OPHN1: variants seen among roughly 807,000 people sequenced by gnomAD.
OPHN1 encodes the protein oligophrenin-1.
A neutral mutation model predicts 60.7 loss-of-function variants in OPHN1; 11 were observed. The ratio of observed to expected loss-of-function variants is 0.18; its 90% CI spans 0.11 to 0.30. The LOEUF (loss-of-function observed/expected upper bound fraction) is 0.30. Among genes scored for constraint, OPHN1 ranks in the 10% least tolerant of loss-of-function variants. OPHN1 has a pLI of 1.00. For missense variants in OPHN1, 449 were observed against 611.0 expected, an observed-to-expected ratio of 0.73 and a Z score of 2.80; for synonymous variants, 226 against 222.6, an observed-to-expected ratio of 1.02 and a Z score of -0.14.
chrX:68,132,870 G>A, intron 15 of OPHN1: 1 of 282,736 alleles, frequency 3.5e-6, no homozygotes, highest in African/African-American at 2.7e-5. Flanking sequence ...GCGACCTGGC[G>A]AACCAGGCGA....
intron 19 of OPHN1, among the ~76,000 whole-genome samples, chrX:68,085,772 A>G (rs1207482802): frequency 1.8e-5 from 2 of 112,200 alleles, no homozygotes; most frequent in African/African-American, 3.2e-5. Context: ...AATAGGTCCA[A>G]GAAAAGAAAC....
intron 2 of OPHN1, among the ~76,000 whole-genome samples, chrX:68,368,514 C>T (rs1465369100): frequency 9.0e-6 from 1 of 110,780 alleles, no homozygotes. Context: ...GCACTCCAGT[C>T]TGGGCAACAC....
At chrX:68,289,123 T>C (rs1485620848) in intron 3 of OPHN1, among the ~76,000 whole-genome samples, 2 of 111,059 alleles carry the variant, frequency 1.8e-5, no homozygotes, top group Admixed American at 1.9e-4. Context: ...AAAACAGCCC[T>C]GCATAACCAT....
rs1409890370 is a variant in OPHN1 at position 68,206,821 on chromosome X, A to T, written c.833-148T>A. On this transcript the variant is annotated intron_variant, in intron 9 of 24. Transcript: ENST00000355520. The stretch of plus-strand genomic sequence containing the variant: ...CTTGCCCTGACCGCCCTCCTTCCAT[A>T]GCCACCTACCTACTGCACACAGGGA... The T allele has an allele frequency of 1.8e-5, 9 of 491,890 alleles. No homozygotes were observed. In the East Asian group the frequency reaches 2.9e-4, roughly 16 times the overall value. The allele number at this position is 491,890 out of a possible 1,213,427, so 40.5% of individuals were successfully genotyped here.
chrX:68,177,969 A>G lies in OPHN1; in HGVS notation c.1276+14950T>C, dbSNP rs758192653. Among the ~76,000 whole-genome samples the G allele has an allele frequency of 2.7e-5, 3 of 112,051 alleles. No homozygotes were observed. The East Asian group carries it at 8.4e-4, about 31-fold the overall frequency. On this transcript the variant is annotated intron_variant, in intron 15 of 24. Transcript: ENST00000355520. ...TTATGCCAATTGACTGGCAGTGTAT[A>G]TGTTATTTTGTATTATCTCAATTAG...
chrX:68,221,025 A>G (rs756709992), intron 6 of OPHN1, among the ~76,000 whole-genome samples: 1,701 of 104,327 alleles, frequency 0.016, 40 homozygotes, highest in African/African-American at 0.056. Flanking sequence ...TTGTATATCT[A>G]GAAAACCCCA....
In OPHN1 at chrX:68,283,066, C is replaced by T. The variant is rs1194077568; in HGVS notation, c.302G>A (p.Arg101Lys). The T allele has an allele frequency of 8.3e-7, 1 of 1,205,129 alleles. No individual in the cohort carries two copies. The highest frequency in any genetic ancestry group is 1.8e-5 in the South Asian group (1 of 56,838). Reference sequence around the variant, plus strand: ...GCGTTAGTGACTTACCATCATCATCCTCTCATTTTCTACCTCGTTGAGCAA... The same window carrying T: ...GCGTTAGTGACTTACCATCATCATCTTCTCATTTTCTACCTCGTTGAGCAA... The part of the protein sequence containing the change: ...AELLNEVENE[R>K]MMMVHNASDL... The change falls in exon 4 of 25, where the codon AGG (arginine) becomes AAG (lysine). Residue 101 changes from arginine to lysine, a missense_variant. Physicochemically the swap from Arg to Lys is conservative, Grantham distance 26. Coordinates refer to ENST00000355520, the MANE Select transcript of OPHN1 (RefSeq NM_002547.3).
chrX:68,104,169 A>T (rs939738199), intron 18 of OPHN1, among the ~76,000 whole-genome samples: 10 of 111,857 alleles, frequency 8.9e-5, no homozygotes, highest in Non-Finnish European at 1.7e-4. Flanking sequence ...AAGAGAAGAC[A>T]CAAACAAATG....
chrX:68,424,891 A>G (rs1183188952), intron 2 of OPHN1, among the ~76,000 whole-genome samples: 1 of 112,122 alleles, frequency 8.9e-6, no homozygotes, highest in Non-Finnish European at 1.9e-5. Context: ...GAATATGGCA[A>G]TATATCACCT....
intron 2 of OPHN1, among the ~76,000 whole-genome samples, chrX:68,372,970 A>G (rs1014817537): frequency 1.8e-5 from 2 of 112,049 alleles, no homozygotes; most frequent in African/African-American, 6.5e-5. Flanking sequence ...GACAAAGGAG[A>G]GTTGCTGGGG....
chrX:68,412,969 G>A (rs777623736), intron 2 of OPHN1, among the ~76,000 whole-genome samples: 42 of 111,625 alleles, frequency 3.8e-4, no homozygotes, highest in African/African-American at 1.3e-3. Flanking sequence ...GATGTCAGGT[G>A]AGAAATTTGA....
At chrX:68,121,224 C>T (rs1211139007) in intron 15 of OPHN1, among the ~76,000 whole-genome samples, 1 of 112,168 alleles carries the variant, frequency 8.9e-6, no homozygotes, top group East Asian at 2.8e-4. Flanking sequence ...TGGGTAAAAA[C>T]ATTGGCAAAC....
intron 2 of OPHN1, among the ~76,000 whole-genome samples, chrX:68,313,163 G>A (rs1002761090): frequency 9.0e-6 from 1 of 111,566 alleles, no homozygotes; most frequent in Non-Finnish European, 1.9e-5. Context: ...CAAAAGGCAG[G>A]CAATAATAAA....
chrX:68,097,723 C>T (rs1362069891), intron 18 of OPHN1, among the ~76,000 whole-genome samples: 2 of 110,789 alleles, frequency 1.8e-5, no homozygotes, highest in Non-Finnish European at 3.8e-5. Flanking sequence ...CCTTCCATAA[C>T]TTGAGTAACT....
At chrX:68,110,199 G>C (rs2077098344) in intron 18 of OPHN1, among the ~76,000 whole-genome samples, 1 of 111,667 alleles carries the variant, frequency 9.0e-6, no homozygotes, top group Non-Finnish European at 1.9e-5. Flanking sequence ...ACAATAAATG[G>C]TAGCTCAGTA....
At chrX:68,156,032 T>C (rs957699157) in intron 15 of OPHN1, among the ~76,000 whole-genome samples, 30 of 111,412 alleles carry the variant, frequency 2.7e-4, no homozygotes, top group African/African-American at 9.1e-4. Context: ...AGAGAAAATG[T>C]GTCAGCATCA....
intron 3 of OPHN1, among the ~76,000 whole-genome samples, chrX:68,296,266 A>G (rs749771880): frequency 3.6e-5 from 4 of 112,316 alleles, no homozygotes; most frequent in Non-Finnish European, 7.5e-5. Flanking sequence ...TCATTAAGTC[A>G]GCATCCTTAA....
chrX:68,170,482 C>T (rs899625703), intron 15 of OPHN1, among the ~76,000 whole-genome samples: 1 of 108,877 alleles, frequency 9.2e-6, no homozygotes, highest in African/African-American at 3.4e-5. Flanking sequence ...CACATGCACA[C>T]GTATGTTTAT....
chrX:68,090,332 T>C (rs1348851444), intron 19 of OPHN1, among the ~76,000 whole-genome samples: 2 of 110,158 alleles, frequency 1.8e-5, no homozygotes, highest in African/African-American at 6.6e-5. Flanking sequence ...TATAAATCTA[T>C]ACAGTAAAAT....
Sources: gnomAD v4.1 joint callset for allele counts (sites outside exome capture counted in the v4.1 genomes callset) on GRCh38, gnomAD v4.1.1 for gene constraint, MANE v1.5 for transcripts, NCBI Gene and HGNC (gene_info 2026-07-23, HGNC 2026-07-21) for gene names.